Variants in MAPK10 observed in about 807,000 individuals in gnomAD.
The protein encoded by MAPK10 is JNK3 alpha protein kinase.
A neutral mutation model predicts 59.3 loss-of-function variants in MAPK10; 25 were observed. The observed-to-expected ratio is 0.42, with a 90% CI of 0.31 to 0.59. The LOEUF is 0.59. Among genes scored for constraint, MAPK10 ranks in the 20% least tolerant of loss-of-function variants. The pLI is 0.15. For synonymous variants in MAPK10, 190 were observed against 200.5 expected (o/e 0.95, Z 0.44); for missense variants, 351 against 568.9 (o/e 0.62, Z 3.90).
intron 13 of MAPK10, among the ~76,000 whole-genome samples, chr4:86,025,967 C>A (rs1360271599): frequency 6.6e-6 from 1 of 152,034 alleles, no homozygotes; most frequent in African/African-American, 2.4e-5. Context: ...TGATCTTGAG[C>A]CACAATTTGT....
chr4:86,339,477 A>C (rs1723593119), intron 2 of MAPK10, among the ~76,000 whole-genome samples: 1 of 152,202 alleles, frequency 6.6e-6, no homozygotes, highest in South Asian at 2.1e-4. Flanking sequence ...TGACCGTATT[A>C]ATAGATTCAG....
intron 2 of MAPK10, among the ~76,000 whole-genome samples, chr4:86,297,435 G>A (rs914083348): frequency 9.9e-5 from 15 of 152,090 alleles, no homozygotes; most frequent in East Asian, 1.9e-4. Flanking sequence ...TCAGCCTCCC[G>A]AGTAGCTGCT....
At chr4:86,202,734 C>T (rs975289617) in intron 2 of MAPK10, among the ~76,000 whole-genome samples, 8 of 151,832 alleles carry the variant, frequency 5.3e-5, no homozygotes, top group Non-Finnish European at 7.4e-5. Context: ...CCAGCACCAC[C>T]GCCCCAAAAC....
At chr4:86,250,340 G>A (rs1360818416) in intron 2 of MAPK10, among the ~76,000 whole-genome samples, 1 of 152,104 alleles carries the variant, frequency 6.6e-6, no homozygotes, top group Non-Finnish European at 1.5e-5. Flanking sequence ...GTCATCTTAA[G>A]TACTCATTCA....
At chr4:86,294,680 A>C (rs1454328035) in intron 2 of MAPK10, among the ~76,000 whole-genome samples, 1 of 152,208 alleles carries the variant, frequency 6.6e-6, no homozygotes, top group Non-Finnish European at 1.5e-5. Context: ...AAGCACTAGG[A>C]TAGGAAAAGC....
At chr4:86,564,796 G>A (rs1027931127) in intron 1 of MAPK10, among the ~76,000 whole-genome samples, 5 of 152,114 alleles carry the variant, frequency 3.3e-5, no homozygotes, top group African/African-American at 1.2e-4. Flanking sequence ...AGATAGTCTT[G>A]GGGAGGAATT....
chr4:86,493,923 G>T (rs976593939), intron 1 of MAPK10, among the ~76,000 whole-genome samples: 1 of 152,108 alleles, frequency 6.6e-6, no homozygotes, highest in African/African-American at 2.4e-5. Flanking sequence ...TACCCCACAT[G>T]ATTTCCACTG....
At chr4:86,361,802 T>C (rs1737016576), upstream of MAPK10, among the ~76,000 whole-genome samples, 1 of 152,132 alleles carries the variant, frequency 6.6e-6, no homozygotes. Flanking sequence ...AAATACCATA[T>C]AATCTCACTT....
intron 1 of MAPK10, among the ~76,000 whole-genome samples, chr4:86,410,928 C>CTT (rs1745085612): frequency 6.6e-6 from 1 of 152,088 alleles, no homozygotes; most frequent in South Asian, 2.1e-4. Context: ...TTAGTTATTT[C>CTT]TTGCCTTCTG....
intron 2 of MAPK10, among the ~76,000 whole-genome samples, chr4:86,319,659 T>C (rs2095853114): frequency 6.6e-6 from 1 of 152,222 alleles, no homozygotes; most frequent in Non-Finnish European, 1.5e-5. Context: ...CTTTCTTCTT[T>C]ATGGCTGGGG....
intron 10 of MAPK10, among the ~76,000 whole-genome samples, chr4:86,066,752 C>CAAAA (rs60413311): frequency 2.7e-3 from 230 of 84,574 alleles, no homozygotes; most frequent in East Asian, 6.9e-3. Context: ...GACTCTGTCT[C>CAAAA]AAAAAAAAAA....
intron 3 of MAPK10, among the ~76,000 whole-genome samples, chr4:86,168,557 G>C (rs189020474): frequency 6.6e-6 from 1 of 152,196 alleles, no homozygotes; most frequent in Admixed American, 6.5e-5. Flanking sequence ...AAAGCAGCCC[G>C]GAAGCTCCAA....
chr4:86,077,649 G>A (rs1370475849), intron 9 of MAPK10, among the ~76,000 whole-genome samples: 2 of 152,114 alleles, frequency 1.3e-5, no homozygotes, highest in African/African-American at 4.8e-5. Flanking sequence ...CATAGTTTCT[G>A]ACTTGCTTTG....
chr4:86,550,286 C>A (rs142657696), intron 1 of MAPK10, among the ~76,000 whole-genome samples: 8 of 148,348 alleles, frequency 5.4e-5, no homozygotes, highest in African/African-American at 2.0e-4. Flanking sequence ...TGTGCTAGAT[C>A]CACAGGGCTA....
At chr4:86,067,257 T>G (rs912042253) in intron 10 of MAPK10, among the ~76,000 whole-genome samples, 1 of 152,160 alleles carries the variant, frequency 6.6e-6, no homozygotes. Flanking sequence ...CTCTCCTGCC[T>G]CAGCCTCCTG....
intron 9 of MAPK10, among the ~76,000 whole-genome samples, chr4:86,074,295 G>A (rs1487837039): frequency 1.9e-4 from 28 of 146,072 alleles, no homozygotes; most frequent in African/African-American, 7.0e-4. Flanking sequence ...GTCTCTGCAC[G>A]TGAGATGGGT....
In MAPK10 at chr4:86,102,353, C is replaced by G. The variant is rs148550581; in HGVS notation, c.426-321G>C. 9.1e-3 allele frequency: 2,091 copies of G among 229,590 alleles called. 44 individuals are homozygous for G. The highest frequency in any genetic ancestry group is 0.044 in the African/African-American group (1,965 of 44,902). 14.2% of individuals were successfully genotyped at this position (229,590 alleles called of 1,614,324 possible). A position where few individuals can be genotyped will look rare whatever the true frequency, so the allele number is the denominator to read the frequency against. On this transcript the variant is annotated intron_variant, in intron 6 of 13. Transcript: ENST00000641462. ...TTTCAAATAAGAAAAAAATTAAGGA[C>G]AGCTTCTTCCATTAAATTCAATGTA...
At chr4:86,145,541 C>T (rs2064772065) in intron 4 of MAPK10, among the ~76,000 whole-genome samples, 1 of 152,076 alleles carries the variant, frequency 6.6e-6, no homozygotes, top group African/African-American at 2.4e-5. Flanking sequence ...ATGTACCATC[C>T]TGCTTCCTCC....
At chr4:86,031,316 C>A in intron 12 of MAPK10, 52 bp downstream of exon 12, 1 of 1,275,306 alleles carries the variant, frequency 7.8e-7, no homozygotes, top group South Asian at 1.2e-5. Flanking sequence ...CTTGTTGATA[C>A]TTTCTGAGTT....
Sources: allele counts gnomAD v4.1 joint callset (sites outside exome capture counted in the v4.1 genomes callset), GRCh38; gene constraint gnomAD v4.1.1; transcripts MANE v1.5; gene names NCBI Gene and HGNC (gene_info 2026-07-23, HGNC 2026-07-21).